The following TSGA10 variants were observed in gnomAD, a reference collection of about 807,000 sequenced individuals.
TSGA10 encodes the protein testis specific 10.
A neutral mutation model predicts 96.6 loss-of-function variants in TSGA10; 43 were observed. The observed-to-expected ratio is 0.44, with a 90% confidence interval of 0.35 to 0.57. The LOEUF (loss-of-function observed/expected upper bound fraction) is 0.57. TSGA10 is among the 20% of genes least tolerant of loss of function. The pLI, the probability that TSGA10 is intolerant of heterozygous loss-of-function variation, is 0.01. For synonymous variants in TSGA10, 229 were observed against 269.9 expected, an observed-to-expected ratio of 0.85 and a Z score of 1.48; for missense variants, 703 against 834.4, an observed-to-expected ratio of 0.84 and a Z score of 1.94.
chr2:99,110,548 T>C (rs2091708351), intron 5 of TSGA10, among the ~76,000 whole-genome samples: 1 of 152,202 alleles, frequency 6.6e-6, no homozygotes, highest in Admixed American at 6.5e-5. Context: ...GTAAACAAAC[T>C]TCATATTTTG....
intron 1 of TSGA10, among the ~76,000 whole-genome samples, chr2:99,131,435 G>A (rs1299645930): frequency 6.6e-6 from 1 of 152,134 alleles, no homozygotes; most frequent in Non-Finnish European, 1.5e-5. Context: ...TATTACTGGT[G>A]TATAGGAATG....
At chr2:99,098,438 C>CAAAAAAAAAAAAAAAAAAAAAAAA (rs59144676) in intron 10 of TSGA10, among the ~76,000 whole-genome samples, 1 of 92,626 alleles carries the variant, frequency 1.1e-5, no homozygotes, top group African/African-American at 5.1e-5. Context: ...GACTCTGCCT[C>CAAAAAAAAAAAAAAAAAAAAAAAA]AAAAAAAAAA....
At chr2:99,041,010 C>T (rs1361766085) in intron 16 of TSGA10, among the ~76,000 whole-genome samples, 5 of 152,216 alleles carry the variant, frequency 3.3e-5, no homozygotes, top group Non-Finnish European at 7.3e-5. Flanking sequence ...TAGCTTATGC[C>T]CCTTCCTTAT....
intron 1 of TSGA10, chr2:99,141,851 C>T (rs905811327): frequency 2.0e-5 from 3 of 152,412 alleles, no homozygotes; most frequent in Non-Finnish European, 2.9e-5. Context: ...GGGCGCAGCT[C>T]CTGCTGCAGC....
chr2:99,007,548 T>G (rs181022938), intron 20 of TSGA10, among the ~76,000 whole-genome samples: 40 of 152,274 alleles, frequency 2.6e-4, no homozygotes, highest in African/African-American at 9.6e-4. Flanking sequence ...CATTCCATGA[T>G]GAAGAATGAC....
chr2:99,118,784 C>T, intron 2 of TSGA10, 98 bp from the exon 3 acceptor site: 2 of 440,034 alleles, frequency 4.5e-6, no homozygotes, highest in Non-Finnish European at 6.0e-6. Context: ...TACCTGCCCT[C>T]AGGGAACTCT....
intron 14 of TSGA10, 35 bp downstream of exon 14, chr2:99,071,671 T>C: frequency 6.3e-7 from 1 of 1,583,110 alleles, no homozygotes; most frequent in South Asian, 1.2e-5. Flanking sequence ...CATATTTTTT[T>C]TTCTTGGAGA....
chr2:99,039,355 T>C (rs553226809), intron 16 of TSGA10, among the ~76,000 whole-genome samples: 3 of 144,404 alleles, frequency 2.1e-5, no homozygotes, highest in East Asian at 2.0e-4. Flanking sequence ...AAAAAGCTGG[T>C]TGAGAAGATA....
chr2:99,036,779 A>T (rs2081666498), intron 16 of TSGA10, among the ~76,000 whole-genome samples: 1 of 152,210 alleles, frequency 6.6e-6, no homozygotes, highest in African/African-American at 2.4e-5. Context: ...TAATATTAAT[A>T]TTCAAATGTT....
chr2:99,067,798 G>A (rs373618495), intron 15 of TSGA10, among the ~76,000 whole-genome samples: 80 of 151,446 alleles, frequency 5.3e-4, no homozygotes, highest in African/African-American at 1.7e-3. Flanking sequence ...AGTGAGCCAC[G>A]ATTGCACCAC....
intron 2 of TSGA10, among the ~76,000 whole-genome samples, chr2:99,119,807 A>G (rs898457464): frequency 2.4e-4 from 37 of 152,182 alleles, no homozygotes; most frequent in African/African-American, 8.7e-4. Flanking sequence ...TTCACTGTTT[A>G]CTTATTTTAC....
intron 1 of TSGA10, among the ~76,000 whole-genome samples, chr2:99,146,256 C>G (rs2093630767): frequency 6.6e-6 from 1 of 152,176 alleles, no homozygotes; most frequent in Non-Finnish European, 1.5e-5. Flanking sequence ...TCTCTGATTC[C>G]TAGTTAATTA....
intron 20 of TSGA10, among the ~76,000 whole-genome samples, chr2:99,008,797 A>G (rs1276841449): frequency 6.6e-6 from 1 of 152,230 alleles, no homozygotes; most frequent in Admixed American, 6.5e-5. Context: ...GGTGGGTTGC[A>G]TAACTATGGT....
rs1319801417 is a variant in TSGA10, at chr2:99,105,347, T to C, written c.459+12A>G. On this transcript the variant is annotated intron_variant, in intron 9 of 20. Transcript: ENST00000393483. ...ATAGCCAAAAGAGACTTTTCTTTTT[T>C]TTTTTTTTTACATTATGAACTGTAC... 2 of 1,581,884 alleles carry C rather than the reference T, an allele frequency of 1.3e-6. No individual in the cohort carries two copies. Among genetic ancestry groups the C allele is most frequent in the South Asian group, 2.4e-5 (2 of 84,298 alleles).
chr2:99,150,611 A>T (rs959051295), intron 1 of TSGA10: 1 of 1,613,932 alleles, frequency 6.2e-7, no homozygotes, highest in Non-Finnish European at 8.5e-7. Context: ...ATACATATGG[A>T]TTCAAAAGTG....
chr2:99,137,886 C>CAAAA (rs35439305), intron 1 of TSGA10, among the ~76,000 whole-genome samples: 1 of 116,010 alleles, frequency 8.6e-6, no homozygotes, highest in Non-Finnish European at 1.8e-5. Flanking sequence ...GACTCCATGT[C>CAAAA]AAAAAAAAAA....
chr2:99,080,459 T>A lies in TSGA10; in HGVS notation c.727+823A>T, dbSNP rs555987531. Among the ~76,000 whole-genome samples, 3 of 152,320 alleles carry A rather than the reference T, an allele frequency of 2.0e-5. No homozygotes were observed. The East Asian group carries it at 5.8e-4, about 29-fold the overall frequency. On this transcript the variant is annotated intron_variant, in intron 11 of 20. Transcript: ENST00000393483. ...ATTTCCCTAGGTAATTTCACGGTTT[T>A]AAAATATCATTTATATGCTGATGTG...
At chr2:99,046,058 C>T (rs771880447) in intron 16 of TSGA10, among the ~76,000 whole-genome samples, 1 of 152,050 alleles carries the variant, frequency 6.6e-6, no homozygotes, top group African/African-American at 2.4e-5. Flanking sequence ...TACAGGAGCA[C>T]CCAGATGAAT....
chr2:99,014,865 T>C (rs2079358906), intron 20 of TSGA10, among the ~76,000 whole-genome samples: 1 of 152,154 alleles, frequency 6.6e-6, no homozygotes. Context: ...TGAACACCTT[T>C]ACACATACAA....
Sources: gnomAD v4.1 joint callset for allele counts (sites outside exome capture counted in the v4.1 genomes callset) on GRCh38, gnomAD v4.1.1 for gene constraint, MANE v1.5 for transcripts, NCBI Gene and HGNC (gene_info 2026-07-23, HGNC 2026-07-21) for gene names.